The following EPHA3 variants were observed in gnomAD, a reference collection of about 807,000 sequenced individuals.
The protein encoded by EPHA3 is EPH receptor A3.
In EPHA3, 42 loss-of-function variants were observed where a neutral mutation model predicts 107.1. The observed-to-expected ratio is 0.39, with a 90% CI of 0.31 to 0.51. The LOEUF is 0.51. Ranked by LOEUF, EPHA3 falls within the 20% of genes least tolerant of loss-of-function variation. The pLI is 0.78. For synonymous variants in EPHA3, 461 were observed against 424.8 expected, an observed-to-expected ratio of 1.09 and a Z score of -1.05; for missense variants, 1,183 against 1,211.2, an observed-to-expected ratio of 0.98 and a Z score of 0.35.
At chr3:89,474,947 C>A (rs547701833) in intron 16 of EPHA3, among the ~76,000 whole-genome samples, 1 of 152,132 alleles carries the variant, frequency 6.6e-6, no homozygotes, top group East Asian at 1.9e-4. Flanking sequence ...GTTTGTCCTG[C>A]ACACTGAGTC....
chr3:89,220,971 T>C lies in EPHA3; in HGVS notation c.814+10451T>C, dbSNP rs141501317. Among the ~76,000 whole-genome samples the C allele has an allele frequency of 2.0e-5, 3 of 152,334 alleles. No individual in the cohort carries two copies. In the East Asian group the frequency reaches 5.8e-4, roughly 29 times the overall value. On this transcript the variant is annotated intron_variant, in intron 3 of 16. Coordinates refer to ENST00000336596, the MANE Select transcript of EPHA3 (RefSeq NM_005233.6). ...GCTTGGTGGAATCATGTCTCCATTT[T>C]GCGTGATAGAAAACTGGAGGCTTAG...
intron 3 of EPHA3, among the ~76,000 whole-genome samples, chr3:89,317,155 A>G (rs956291415): frequency 2.6e-5 from 4 of 151,862 alleles, no homozygotes; most frequent in South Asian, 2.1e-4. Context: ...TTGCAACATG[A>G]TATCAAATGA....
At chr3:89,167,532 G>T (rs1705100895) in intron 2 of EPHA3, among the ~76,000 whole-genome samples, 1 of 152,006 alleles carries the variant, frequency 6.6e-6, no homozygotes, top group African/African-American at 2.4e-5. Context: ...ATCTTCAATT[G>T]TGTGTTATAC....
chr3:89,288,578 T>C (rs1004221924), intron 3 of EPHA3, among the ~76,000 whole-genome samples: 1 of 152,172 alleles, frequency 6.6e-6, no homozygotes. Flanking sequence ...CTTGAACCAA[T>C]ACTTCTATGT....
chr3:89,480,891 G>C lies in EPHA3; in HGVS notation c.*1389G>C, dbSNP rs1258486034. ...TACTGGACATAACATTTTCAGAATA[G>C]TTGGTCATCTAGCAACCGCCTCAAA... On this transcript the variant is annotated 3_prime_UTR_variant, in exon 17 of 17. Coordinates refer to ENST00000336596, the MANE Select transcript of EPHA3 (RefSeq NM_005233.6). 1 of 232,166 alleles carries C rather than the reference G, an allele frequency of 4.3e-6. No individual in the cohort carries two copies. Among genetic ancestry groups the C allele is most frequent in the Non-Finnish European group, 8.5e-6 (1 of 117,142 alleles). The allele number at this position is 232,166 out of a possible 1,614,324, so 14.4% of individuals were successfully genotyped here.
intron 2 of EPHA3, among the ~76,000 whole-genome samples, chr3:89,182,027 CT>C (rs11391841): frequency 6.6e-4 from 97 of 146,988 alleles, no homozygotes; most frequent in East Asian, 1.2e-3. Context: ...TATCTGTTAG[CT>C]TTTTTTTTTT....
intron 2 of EPHA3, among the ~76,000 whole-genome samples, chr3:89,192,982 C>T (rs1036894666): frequency 6.6e-6 from 1 of 151,962 alleles, no homozygotes; most frequent in African/African-American, 2.4e-5. Flanking sequence ...TTTTTACACA[C>T]CTATTATTAA....
chr3:89,194,893 G>A (rs1274254533), intron 2 of EPHA3, among the ~76,000 whole-genome samples: 1 of 151,864 alleles, frequency 6.6e-6, no homozygotes, highest in African/African-American at 2.4e-5. Context: ...TTTTTGATGT[G>A]GGAACATTTC....
At chr3:89,176,567 C>T (rs897335306) in intron 2 of EPHA3, among the ~76,000 whole-genome samples, 1 of 151,208 alleles carries the variant, frequency 6.6e-6, no homozygotes, top group African/African-American at 2.4e-5. Flanking sequence ...AGTTACTTAA[C>T]CTTTCTAATT....
At chr3:89,191,714 G>A (rs375389527) in intron 2 of EPHA3, among the ~76,000 whole-genome samples, 17 of 152,090 alleles carry the variant, frequency 1.1e-4, no homozygotes, top group African/African-American at 3.6e-4. Flanking sequence ...TAGATATATT[G>A]TTCTCTGAAA....
intron 2 of EPHA3, among the ~76,000 whole-genome samples, chr3:89,168,750 C>G (rs1705137717): frequency 6.6e-6 from 1 of 151,924 alleles, no homozygotes; most frequent in African/African-American, 2.4e-5. Context: ...ATTTGCCTAC[C>G]TGTTGAGTTC....
intron 5 of EPHA3, among the ~76,000 whole-genome samples, chr3:89,362,216 C>A (rs1708108189): frequency 6.6e-6 from 1 of 151,000 alleles, no homozygotes; most frequent in African/African-American, 2.4e-5. Context: ...TTGGGTTGAA[C>A]ATATCTGCTA....
intron 3 of EPHA3, among the ~76,000 whole-genome samples, chr3:89,221,108 C>G (rs754911633): frequency 6.6e-6 from 1 of 152,156 alleles, no homozygotes; most frequent in Non-Finnish European, 1.5e-5. Flanking sequence ...ACCACTGTTT[C>G]CTATGCTTCC....
chr3:89,415,599 A>G (rs1167058991), intron 10 of EPHA3, among the ~76,000 whole-genome samples: 1 of 150,390 alleles, frequency 6.6e-6, no homozygotes, highest in Non-Finnish European at 1.5e-5. Context: ...TTATACTATA[A>G]ATGATAAAAT....
chr3:89,125,079 A>T (rs999817796), intron 1 of EPHA3, among the ~76,000 whole-genome samples: 2 of 151,844 alleles, frequency 1.3e-5, no homozygotes, highest in Admixed American at 1.3e-4. Flanking sequence ...TGTAATAACC[A>T]TATCTTCTTC....
chr3:89,323,958 T>A (rs1707101036), intron 3 of EPHA3, among the ~76,000 whole-genome samples: 1 of 150,328 alleles, frequency 6.7e-6, no homozygotes, highest in Non-Finnish European at 1.5e-5. Context: ...TGGAATCCAT[T>A]TTTTTTTGCA....
intron 5 of EPHA3, among the ~76,000 whole-genome samples, chr3:89,390,000 A>T (rs1265016683): frequency 5.8e-4 from 86 of 147,596 alleles, no homozygotes; most frequent in African/African-American, 1.8e-3. Flanking sequence ...AACTTTTTTT[A>T]AATTTTTTTG....
At position 89,479,548 on chromosome 3, in the gene EPHA3, G is replaced by C. The variant is rs1479707077; in HGVS notation, c.*46G>C. ...CTGGACGGAAGTGGTGGCTGTGGAA[G>C]GCGTAGCATCATCCTGCAGACAGAC... On this transcript the variant is annotated 3_prime_UTR_variant, in exon 17 of 17. Coordinates refer to ENST00000336596, the MANE Select transcript of EPHA3 (RefSeq NM_005233.6). 3 of 1,440,886 alleles carry C rather than the reference G, an allele frequency of 2.1e-6. No individual in the cohort carries two copies. Among genetic ancestry groups the C allele is most frequent in the Non-Finnish European group, 2.9e-6 (3 of 1,024,454 alleles). 89.3% of individuals were successfully genotyped at this position (1,440,886 alleles called of 1,614,324 possible).
chr3:89,346,019 G>T lies in EPHA3; in HGVS notation c.1306+3929G>T, dbSNP rs1707643978. Among the ~76,000 whole-genome samples the T allele has an allele frequency of 4.2e-5, 6 of 143,100 alleles. No homozygotes were observed. The South Asian group carries it at 1.3e-3, about 31-fold the overall frequency. 93.9% of individuals were successfully genotyped at this position (143,100 alleles called of 152,430 possible). A position where few individuals can be genotyped will look rare whatever the true frequency, so the allele number is the denominator to read the frequency against. Reference sequence around the variant, plus strand: ...CATTTTCTTAATCCAGTCTATCATTGTTGGACATTTGGGTTGGTTCCAAGT... The same window carrying T: ...CATTTTCTTAATCCAGTCTATCATTTTTGGACATTTGGGTTGGTTCCAAGT... On this transcript the variant is annotated intron_variant, in intron 5 of 16. Transcript: ENST00000336596.
Sources: allele counts gnomAD v4.1 joint callset (sites outside exome capture counted in the v4.1 genomes callset), GRCh38; gene constraint gnomAD v4.1.1; transcripts MANE v1.5; gene names NCBI Gene and HGNC (gene_info 2026-07-23, HGNC 2026-07-21).